The following CUX1 variants were observed in gnomAD, a reference collection of about 807,000 sequenced individuals.
CUX1 encodes cut like homeobox 1, also known as protein CASP.
A neutral mutation model predicts 158.8 loss-of-function variants in CUX1; 31 were observed. That is an observed-to-expected ratio of 0.20 (90% CI 0.15 to 0.26). The LOEUF is 0.26. CUX1 is among the 10% of genes least tolerant of loss of function. The pLI, the probability that CUX1 is intolerant of heterozygous loss-of-function variation, is 1.00. For synonymous variants in CUX1, 879 were observed against 862.1 expected (o/e 1.02, Z -0.34); for missense variants, 1,589 against 2,014.6 (o/e 0.79, Z 4.04).
chr7:102,182,509 G>A (rs1245663808), intron 11 of CUX1, among the ~76,000 whole-genome samples: 1 of 152,118 alleles, frequency 6.6e-6, no homozygotes, highest in Admixed American at 6.6e-5. Context: ...TCCTGTCCAG[G>A]GCTCTACTTT....
intron 12 of CUX1, among the ~76,000 whole-genome samples, chr7:102,191,893 C>T (rs1794318311): frequency 6.6e-6 from 1 of 152,026 alleles, no homozygotes; most frequent in African/African-American, 2.4e-5. Context: ...CCGTTCTACT[C>T]CCTCTCATCC....
chr7:102,263,854 G>A (rs184353218), intron 14 of CUX1, among the ~76,000 whole-genome samples: 2 of 151,438 alleles, frequency 1.3e-5, no homozygotes, highest in East Asian at 3.9e-4. Flanking sequence ...CACCATGCCC[G>A]GCTAATTTTT....
At chr7:102,204,309 G>T (rs1284403288) in intron 18 of CUX1, 82 bp from the exon 19 acceptor site, 13 of 1,552,118 alleles carry the variant, frequency 8.4e-6, no homozygotes, top group Non-Finnish European at 1.1e-5. Context: ...CCCTCTGCGT[G>T]GTGGGTGTGC....
rs113032173 is a variant in CUX1, at chr7:101,964,281, G to A, written c.141+48056G>A. On this transcript the variant is annotated intron_variant, in intron 2 of 23. Transcript: ENST00000292535. Reference sequence around the variant, plus strand: ...GGCAGGAGAATTGCTTGAACCTGGGGGGCGGAGGTTGCAGTGAGCTGAGAT... The same window carrying A: ...GGCAGGAGAATTGCTTGAACCTGGGAGGCGGAGGTTGCAGTGAGCTGAGAT... Among the ~76,000 whole-genome samples, 15 of 152,056 alleles carry A rather than the reference G, an allele frequency of 9.9e-5. 3 individuals are homozygous for A. The highest frequency in any genetic ancestry group is 2.9e-4 in the African/African-American group (12 of 41,496).
intron 1 of CUX1, among the ~76,000 whole-genome samples, chr7:101,840,174 A>G (rs1795069185): frequency 1.3e-5 from 2 of 152,244 alleles, no homozygotes; most frequent in South Asian, 2.1e-4. Context: ...TAATATTTTT[A>G]CTAATTAACT....
At chr7:101,990,479 C>T (rs111533634) in intron 2 of CUX1, among the ~76,000 whole-genome samples, 22,294 of 152,048 alleles carry the variant, frequency 0.15, 2,017 homozygotes, top group Middle Eastern at 0.21. Flanking sequence ...TGGGTTCAAG[C>T]GATTCTCCTG....
rs916588845 is a variant in CUX1 at position 102,267,965 on chromosome 7, C to A, written c.1256-5401C>A. 2.6e-5 allele frequency among the ~76,000 whole-genome samples: 4 copies of A among 152,134 alleles called. No individual in the cohort carries two copies. The East Asian group carries it at 7.7e-4, about 29-fold the overall frequency. ...TCCAGCCGTGAGCCACTGCACCGGG[C>A]CCTCCTGAAGTCTTGACCTTAAAGA... On this transcript the variant is annotated intron_variant, in intron 14 of 22. Transcript: ENST00000292538.
downstream of CUX1, among the ~76,000 whole-genome samples, chr7:102,261,098 C>T (rs1233008675): frequency 6.6e-6 from 1 of 152,346 alleles, no homozygotes; most frequent in East Asian, 1.9e-4. Flanking sequence ...GTGGAGTGAC[C>T]GGCCTCCACA....
chr7:101,951,972 T>C (rs1219807439), intron 2 of CUX1, among the ~76,000 whole-genome samples: 2 of 152,262 alleles, frequency 1.3e-5, no homozygotes, highest in Admixed American at 1.3e-4. Flanking sequence ...GGCGTGGCTG[T>C]ATGCCGATAA....
In CUX1 at chr7:102,258,169, T is replaced by C. The variant is rs1196046953; in HGVS notation, c.*9127T>C. 2 of 985,032 alleles carry C rather than the reference T, an allele frequency of 2.0e-6. No homozygotes were observed. The highest frequency in any genetic ancestry group is 2.4e-6 in the Non-Finnish European group (2 of 829,728). 61.0% of individuals were successfully genotyped at this position (985,032 alleles called of 1,614,324 possible). A position where few individuals can be genotyped will look rare whatever the true frequency, so the allele number is the denominator to read the frequency against. On this transcript the variant is annotated 3_prime_UTR_variant, in exon 24 of 24. Transcript: ENST00000292535. ...ATATCACTGTATGAGACTCACACCATGTATTATTATTCACTAGCACCCTAG... is the reference window on the plus strand; with the variant it reads ...ATATCACTGTATGAGACTCACACCACGTATTATTATTCACTAGCACCCTAG...
intron 1 of CUX1, among the ~76,000 whole-genome samples, chr7:101,827,902 G>A (rs1418180229): frequency 6.6e-6 from 1 of 151,716 alleles, no homozygotes; most frequent in Non-Finnish European, 1.5e-5. Context: ...GTTGTTTCAA[G>A]GTGGTGGAGA....
Position 102,248,960 on chromosome 7 carries a change from A to G in CUX1, c.4436A>G (p.Lys1479Arg). ...RDSRDNPLRK[K>R]KAANLNSIIH... Reference sequence around the variant, plus strand: ...TCGCGCGACAACCCCCTGCGCAAGAAGAAGGCCGCGAACTTGAACAGCATC... The same window carrying G: ...TCGCGCGACAACCCCCTGCGCAAGAGGAAGGCCGCGAACTTGAACAGCATC... The change falls in exon 24 of 24, where the codon AAG (lysine) becomes AGG (arginine). Residue 1479 changes from lysine to arginine, a missense_variant. Lys to Arg is a conservative substitution (Grantham distance 26). Transcript: ENST00000292535. This position sits in a 1 kb window ranked among gnomAD's most constrained non-coding sequence, Gnocchi z 5.8. The G allele has an allele frequency of 6.7e-7, 1 of 1,484,140 alleles. No individual in the cohort carries two copies. Among genetic ancestry groups the G allele is most frequent in the Admixed American group, 2.2e-5 (1 of 46,114 alleles). 91.9% of individuals were successfully genotyped at this position (1,484,140 alleles called of 1,614,324 possible). A position where few individuals can be genotyped will look rare whatever the true frequency, so the allele number is the denominator to read the frequency against.
chr7:102,139,526 G>A lies in CUX1; in HGVS notation c.675-19034G>A, dbSNP rs377612134. Among the ~76,000 whole-genome samples, 8 of 152,298 alleles carry A rather than the reference G, an allele frequency of 5.3e-5. No homozygotes were observed. The South Asian group carries it at 1.0e-3, about 20-fold the overall frequency. On this transcript the variant is annotated intron_variant, in intron 8 of 23. Transcript: ENST00000292535. ...AGACTCCTTTCCAGCCAGGCATGGTGGCCCACCCCTGTAATCCCAGCACTT... is the reference window on the plus strand; with the variant it reads ...AGACTCCTTTCCAGCCAGGCATGGTAGCCCACCCCTGTAATCCCAGCACTT...
intron 3 of CUX1, among the ~76,000 whole-genome samples, chr7:102,039,999 G>T (rs1048735313): frequency 6.6e-6 from 1 of 152,126 alleles, no homozygotes; most frequent in South Asian, 2.1e-4. Flanking sequence ...CATGCAGGAC[G>T]TGCTCTCGGA....
chr7:102,176,256 A>G (rs1353454969), intron 10 of CUX1, among the ~76,000 whole-genome samples: 2 of 152,218 alleles, frequency 1.3e-5, no homozygotes, highest in African/African-American at 4.8e-5. Flanking sequence ...CTGTCCCCAA[A>G]TTTGAAAATC....
At chr7:102,184,031 G>A (rs1335329000) in intron 11 of CUX1, among the ~76,000 whole-genome samples, 2 of 152,048 alleles carry the variant, frequency 1.3e-5, no homozygotes, top group East Asian at 1.9e-4. Context: ...CCAAGTAGTC[G>A]GGACTACAGG....
chr7:102,073,940 C>T (rs1486221071), intron 4 of CUX1, among the ~76,000 whole-genome samples: 1 of 152,202 alleles, frequency 6.6e-6, no homozygotes, highest in African/African-American at 2.4e-5. Context: ...ACATAGATCC[C>T]TTTCACCCAC....
At chr7:102,025,593 A>G (rs1585320094) in intron 2 of CUX1, among the ~76,000 whole-genome samples, 1 of 151,690 alleles carries the variant, frequency 6.6e-6, no homozygotes, top group Admixed American at 6.6e-5. Context: ...ATGCCACTGT[A>G]CTCCAGCCTG....
chr7:102,165,148 C>G (rs1790876016), intron 9 of CUX1, among the ~76,000 whole-genome samples: 1 of 152,100 alleles, frequency 6.6e-6, no homozygotes, highest in African/African-American at 2.4e-5. Flanking sequence ...ACCCCCCAGC[C>G]CTCTCCCCAC....
Sources: gnomAD v4.1 joint callset for allele counts (sites outside exome capture counted in the v4.1 genomes callset) on GRCh38, gnomAD v4.1.1 for gene constraint, Gnocchi (gnomAD v3.1) non-coding constraint, MANE v1.5 for transcripts, NCBI Gene and HGNC (gene_info 2026-07-23, HGNC 2026-07-21) for gene names.